Variants in SLC26A8 observed in about 807,000 individuals in gnomAD.
The protein encoded by SLC26A8 is solute carrier family 26 member 8, also known as testis anion transporter 1.
Under a neutral mutation model 105.0 loss-of-function variants are expected in SLC26A8, and 70 were observed. The observed-to-expected ratio is 0.67, with a 90% CI of 0.55 to 0.81. The LOEUF is 0.81. Among genes scored for constraint, SLC26A8 ranks in the 40% least tolerant of loss-of-function variants. The probability of loss-of-function intolerance (pLI) is 0.00; values close to 1 mark genes in which losing one functional copy is unlikely to be tolerated. For synonymous variants in SLC26A8, 415 were observed against 438.3 expected (o/e 0.95, Z 0.66); for missense variants, 998 against 1,181.8 (o/e 0.84, Z 2.28).
At chr6:36,014,853 G>A (rs1021627214) in intron 2 of SLC26A8, among the ~76,000 whole-genome samples, 11 of 151,812 alleles carry the variant, frequency 7.2e-5, no homozygotes, top group South Asian at 4.2e-4. Flanking sequence ...ATGACAGAGC[G>A]AGACTCTGGC....
chr6:35,978,030 G>A (rs913309025), intron 8 of SLC26A8, among the ~76,000 whole-genome samples: 3 of 149,766 alleles, frequency 2.0e-5, no homozygotes, highest in Non-Finnish European at 4.4e-5. Flanking sequence ...AGGTTGCAGT[G>A]AGCAGAGATT....
chr6:36,004,763 C>A (rs1434774783), intron 3 of SLC26A8, among the ~76,000 whole-genome samples: 7 of 151,926 alleles, frequency 4.6e-5, no homozygotes, highest in African/African-American at 1.5e-4. Context: ...GATCCTTCCA[C>A]CTCAGCCTCC....
At chr6:35,968,605 G>GTA (rs1554163661) in intron 11 of SLC26A8, among the ~76,000 whole-genome samples, 25 of 53,848 alleles carry the variant, frequency 4.6e-4, no homozygotes, top group Non-Finnish European at 4.6e-4. Context: ...GTGTGTGTGT[G>GTA]TGTGTATATA....
At chr6:35,948,307 G>A (rs979649533) in intron 19 of SLC26A8, among the ~76,000 whole-genome samples, 11 of 152,214 alleles carry the variant, frequency 7.2e-5, no homozygotes, top group African/African-American at 2.6e-4. Flanking sequence ...ACAGTGTGAT[G>A]GCTAGGCACG....
intron 3 of SLC26A8, among the ~76,000 whole-genome samples, chr6:36,007,492 G>A (rs1581691747): frequency 6.6e-6 from 1 of 152,270 alleles, no homozygotes; most frequent in East Asian, 1.9e-4. Context: ...TGGATTGGAA[G>A]ACAGCATAAT....
At chr6:35,951,611 ACT>A in intron 17 of SLC26A8, 112 bp from the exon 18 acceptor site, 2 of 1,098,928 alleles carry the variant, frequency 1.8e-6, no homozygotes, top group East Asian at 4.9e-5. Flanking sequence ...ACAGAGTCTC[ACT>A]CTGTCACCCA....
chr6:35,968,605 GTGTGTATA>G (rs1190196865), intron 11 of SLC26A8, among the ~76,000 whole-genome samples: 386 of 53,704 alleles, frequency 7.2e-3, no homozygotes, highest in Middle Eastern at 0.019. Context: ...GTGTGTGTGT[GTGTGTATA>G]TATATATATA....
intron 7 of SLC26A8, among the ~76,000 whole-genome samples, chr6:35,984,930 T>C (rs1773432430): frequency 6.6e-6 from 1 of 152,128 alleles, no homozygotes; most frequent in Non-Finnish European, 1.5e-5. Flanking sequence ...CCAACCAGCA[T>C]TAACCTCAAA....
intron 10 of SLC26A8, among the ~76,000 whole-genome samples, chr6:35,972,300 G>T (rs1219216019): frequency 6.6e-6 from 1 of 152,012 alleles, no homozygotes; most frequent in African/African-American, 2.4e-5. Flanking sequence ...GGCGCACGGT[G>T]GCTCATGCCT....
At chr6:36,001,136 C>CT (rs372461619) in intron 3 of SLC26A8, among the ~76,000 whole-genome samples, 1,851 of 149,510 alleles carry the variant, frequency 0.012, 18 homozygotes, top group Non-Finnish European at 0.02. Context: ...TATTCTTTTT[C>CT]TTTTTTTTTT....
chr6:36,021,920 C>T (rs1201466840), intron 1 of SLC26A8, among the ~76,000 whole-genome samples: 2 of 152,072 alleles, frequency 1.3e-5, no homozygotes, highest in Non-Finnish European at 2.9e-5. Context: ...CTGCCTCCCT[C>T]GGCCTCCCAA....
chr6:36,019,829 G>T, intron 1 of SLC26A8, 120 bp from the exon 2 acceptor site: 1 of 932,010 alleles, frequency 1.1e-6, no homozygotes, highest in Non-Finnish European at 1.5e-6. Flanking sequence ...GCATCTTTCA[G>T]TTGTAAAAAA....
intron 2 of SLC26A8, among the ~76,000 whole-genome samples, chr6:36,017,557 G>C (rs1038750220): frequency 6.6e-6 from 1 of 152,122 alleles, no homozygotes; most frequent in East Asian, 1.9e-4. Flanking sequence ...GCTCGAACCT[G>C]GGAGGCAGGG....
At chr6:36,023,673 A>AT (rs1762184778) in intron 1 of SLC26A8, among the ~76,000 whole-genome samples, 1 of 151,978 alleles carries the variant, frequency 6.6e-6, no homozygotes, top group Non-Finnish European at 1.5e-5. Context: ...TCCCCCTGAT[A>AT]TTGTTAACTT....
intron 11 of SLC26A8, among the ~76,000 whole-genome samples, chr6:35,967,891 T>G (rs1362022345): frequency 6.6e-6 from 1 of 152,228 alleles, no homozygotes; most frequent in Non-Finnish European, 1.5e-5. Context: ...TCTCACTCGG[T>G]CACCCAGGCT....
At chr6:35,997,524 ATC>A (rs2127354450) in intron 5 of SLC26A8, among the ~76,000 whole-genome samples, 1 of 152,322 alleles carries the variant, frequency 6.6e-6, no homozygotes, top group South Asian at 2.1e-4. Flanking sequence ...AATGTTTAAT[ATC>A]TCATCCTAAA....
At chr6:35,984,327 T>A (rs1455821737) in intron 7 of SLC26A8, among the ~76,000 whole-genome samples, 43 of 145,742 alleles carry the variant, frequency 3.0e-4, no homozygotes, top group African/African-American at 8.6e-4. Flanking sequence ...TTATTTTTTT[T>A]TTTTTTTTTT....
At chr6:35,993,159 T>A (rs1211782455) in intron 5 of SLC26A8, among the ~76,000 whole-genome samples, 17 of 7,468 alleles carry the variant, frequency 2.3e-3, no homozygotes, top group African/African-American at 3.8e-3. Flanking sequence ...ACTGGGCATT[T>A]TTTTTTTTTT....
chr6:36,011,246 C>G (rs1425686649), intron 3 of SLC26A8, among the ~76,000 whole-genome samples: 1 of 152,178 alleles, frequency 6.6e-6, no homozygotes, highest in Non-Finnish European at 1.5e-5. Flanking sequence ...AGCTGTGTTA[C>G]CGGGCAGAAT....
Sources: allele counts gnomAD v4.1 joint callset (sites outside exome capture counted in the v4.1 genomes callset), GRCh38; gene constraint gnomAD v4.1.1; transcripts MANE v1.5; gene names NCBI Gene and HGNC (gene_info 2026-07-23, HGNC 2026-07-21).